Variants in MLLT3 observed in about 807,000 individuals in gnomAD.
MLLT3 encodes the protein protein AF-9.
MLLT3 carries 4 observed loss-of-function variants against 53.2 expected under a neutral mutation model. The observed-to-expected ratio is 0.08, with a 90% confidence interval of 0.04 to 0.17. MLLT3 has a LOEUF of 0.17. Ranked by LOEUF, MLLT3 falls within the 10% of genes least tolerant of loss-of-function variation. The pLI is 1.00. For synonymous variants in MLLT3, 283 were observed against 230.6 expected (o/e 1.23, Z -2.06); for missense variants, 569 against 684.0 (o/e 0.83, Z 1.87).
At chr9:20,418,728 T>C (rs1822936489) in intron 4 of MLLT3, among the ~76,000 whole-genome samples, 1 of 152,128 alleles carries the variant, frequency 6.6e-6, no homozygotes, top group Non-Finnish European at 1.5e-5. Flanking sequence ...GTGATCCTCC[T>C]GCCTTGGACT....
At chr9:20,352,471 G>C (rs1016231560) in intron 10 of MLLT3, among the ~76,000 whole-genome samples, 1 of 152,110 alleles carries the variant, frequency 6.6e-6, no homozygotes, top group Non-Finnish European at 1.5e-5. Context: ...CACCACTCAT[G>C]GTAGGCCACT....
chr9:20,353,230 G>A (rs76499201), intron 10 of MLLT3, among the ~76,000 whole-genome samples: 2,290 of 152,168 alleles, frequency 0.015, 69 homozygotes, highest in African/African-American at 0.052. Flanking sequence ...TCCCCTCCCT[G>A]AGCCCACATT....
intron 2 of MLLT3, among the ~76,000 whole-genome samples, chr9:20,504,831 T>C (rs2118949137): frequency 6.6e-6 from 1 of 152,262 alleles, no homozygotes; most frequent in East Asian, 1.9e-4. Context: ...CCACATCATG[T>C]TATACACTAT....
At position 20,622,286 on chromosome 9, in the gene MLLT3, T is replaced by A. The variant is rs201557436; in HGVS notation, c.-30A>T. The A allele has an allele frequency of 6.9e-4, 1,090 of 1,570,110 alleles. 5 individuals are homozygous for A. In the African/African-American group the frequency reaches 0.013, roughly 19 times the overall value. On this transcript the variant is annotated 5_prime_UTR_variant, in exon 1 of 11. Transcript: ENST00000380338. ...GGGGGCCCGGAGGTTTGCTGGGGTG[T>A]TGTGTGGTACCCCCCCCTCCTCCGC... is the stretch of plus-strand genomic sequence containing the variant.
At chr9:20,421,299 TAAATC>T (rs1003037113) in intron 4 of MLLT3, among the ~76,000 whole-genome samples, 1 of 151,698 alleles carries the variant, frequency 6.6e-6, no homozygotes, top group Non-Finnish European at 1.5e-5. Flanking sequence ...TAAAGACAAA[TAAATC>T]AAAAGAAAAC....
rs947843084 is a variant in MLLT3 at position 20,461,709 on chromosome 9, C to T, written c.194-4923G>A. On this transcript the variant is annotated intron_variant, in intron 2 of 10. Coordinates refer to ENST00000380338, the MANE Select transcript of MLLT3 (RefSeq NM_004529.4). ...GTATTATTAGGCAACAGTTTTTTCC[C>T]GAAACCTCAGGAAAACAGCTGGTAG... Among the ~76,000 whole-genome samples the T allele has an allele frequency of 4.6e-5, 7 of 151,926 alleles. No homozygotes were observed. The East Asian group carries it at 1.2e-3, about 25-fold the overall frequency.
chr9:20,433,899 G>A (rs1823338165), intron 4 of MLLT3, among the ~76,000 whole-genome samples: 1 of 151,528 alleles, frequency 6.6e-6, no homozygotes, highest in East Asian at 1.9e-4. Context: ...CAGATCATGA[G>A]GTCAAGAGAT....
At chr9:20,388,756 GAAA>G (rs938137983) in intron 5 of MLLT3, among the ~76,000 whole-genome samples, 5 of 152,138 alleles carry the variant, frequency 3.3e-5, no homozygotes, top group Admixed American at 2.6e-4. Context: ...AGCATATTGG[GAAA>G]AAGAGTGATG....
At chr9:20,456,186 G>T (rs971355676) in intron 3 of MLLT3, among the ~76,000 whole-genome samples, 1 of 151,954 alleles carries the variant, frequency 6.6e-6, no homozygotes, top group Admixed American at 6.6e-5. Flanking sequence ...TGATCCGCCC[G>T]CCTCGGCCTC....
At chr9:20,400,672 A>G (rs914203045) in intron 5 of MLLT3, among the ~76,000 whole-genome samples, 1 of 152,088 alleles carries the variant, frequency 6.6e-6, no homozygotes, top group East Asian at 1.9e-4. Context: ...ATGGTCCATG[A>G]AGGGTTTACT....
At chr9:20,419,409 T>C (rs564581544) in intron 4 of MLLT3, among the ~76,000 whole-genome samples, 1 of 147,066 alleles carries the variant, frequency 6.8e-6, no homozygotes, top group South Asian at 2.2e-4. Context: ...ATAAGAAGAG[T>C]TCCAGAAGGA....
intron 2 of MLLT3, among the ~76,000 whole-genome samples, chr9:20,508,089 T>C (rs1825431193): frequency 6.6e-6 from 1 of 152,186 alleles, no homozygotes; most frequent in Admixed American, 6.5e-5. Flanking sequence ...TAGTTTAGCA[T>C]CTGTCTCCTA....
intron 5 of MLLT3, among the ~76,000 whole-genome samples, chr9:20,387,481 G>C (rs974152871): frequency 6.6e-6 from 1 of 152,120 alleles, no homozygotes; most frequent in Non-Finnish European, 1.5e-5. Flanking sequence ...CGGTCGTGGA[G>C]GGGAAGCTTA....
intron 5 of MLLT3, among the ~76,000 whole-genome samples, chr9:20,388,161 G>C (rs563453596): frequency 1.3e-5 from 2 of 151,550 alleles, no homozygotes; most frequent in South Asian, 4.1e-4. Context: ...TATTGATTTA[G>C]AAAATATGTA....
intron 2 of MLLT3, among the ~76,000 whole-genome samples, chr9:20,612,922 T>A (rs1345781074): frequency 6.6e-6 from 1 of 152,142 alleles, no homozygotes; most frequent in South Asian, 2.1e-4. Context: ...CACAACTCAA[T>A]AACTCAAAAT....
intron 4 of MLLT3, among the ~76,000 whole-genome samples, chr9:20,445,786 A>G (rs556301809): frequency 9.3e-4 from 141 of 152,298 alleles, no homozygotes; most frequent in Admixed American, 1.5e-3. Flanking sequence ...ATATACATCT[A>G]TGTCAACACA....
chr9:20,618,942 T>A (rs543626667), intron 2 of MLLT3, among the ~76,000 whole-genome samples: 1 of 152,280 alleles, frequency 6.6e-6, no homozygotes, highest in African/African-American at 2.4e-5. Flanking sequence ...TCCTAATAAA[T>A]GTTGCTTTTT....
At chr9:20,404,397 T>C (rs1227319505) in intron 5 of MLLT3, among the ~76,000 whole-genome samples, 2 of 152,202 alleles carry the variant, frequency 1.3e-5, no homozygotes. Flanking sequence ...ATCATTAATA[T>C]TTTGCTTGAA....
chr9:20,555,971 A>C (rs184644876), intron 2 of MLLT3, among the ~76,000 whole-genome samples: 1 of 152,236 alleles, frequency 6.6e-6, no homozygotes, highest in Non-Finnish European at 1.5e-5. Flanking sequence ...GAAAAACTCC[A>C]AACAATTGAC....
Sources: allele counts gnomAD v4.1 joint callset (sites outside exome capture counted in the v4.1 genomes callset), GRCh38; gene constraint gnomAD v4.1.1; transcripts MANE v1.5; gene names NCBI Gene and HGNC (gene_info 2026-07-23, HGNC 2026-07-21).